Variants in GMDS observed in about 807,000 individuals in gnomAD.
GMDS encodes GDP-mannose 4,6-dehydratase, also known as GDP-mannose 4,6 dehydratase.
In GMDS, 20 loss-of-function variants were observed where a neutral mutation model predicts 49.9. That is an observed-to-expected ratio of 0.40 (90% CI 0.28 to 0.58). The LOEUF is 0.58. Ranked by LOEUF, GMDS falls within the 20% of genes least tolerant of loss-of-function variation. The pLI, the probability that GMDS is intolerant of heterozygous loss-of-function variation, is 0.42. For missense variants in GMDS, 362 were observed against 481.4 expected (o/e 0.75, Z 2.32); for synonymous variants, 177 against 178.6 (o/e 0.99, Z 0.07).
intron 7 of GMDS, among the ~76,000 whole-genome samples, chr6:1,898,880 G>T (rs887850537): frequency 6.6e-6 from 1 of 152,154 alleles, no homozygotes; most frequent in African/African-American, 2.4e-5. Flanking sequence ...GACTGACGGG[G>T]CTCCTGCCCT....
rs57256274 is a variant in GMDS at position 1,650,507 on chromosome 6, G to A, written c.988-25967C>T. Among the ~76,000 whole-genome samples the A allele has an allele frequency of 3.9e-3, 594 of 152,168 alleles. 5 individuals carry two copies. Among genetic ancestry groups the A allele is most frequent in the African/African-American group, 0.014 (563 of 41,496 alleles). On this transcript the variant is annotated intron_variant, in intron 9 of 10. Transcript: ENST00000380815. ...CAAAGCCTTCTCCTACCAATTCTTC[G>A]TTCATTTTAATGGTCAAGCACAGAG...
chr6:1,960,004 T>C, intron 5 of GMDS, 33 bp from the exon 6 acceptor site: 2 of 1,359,052 alleles, frequency 1.5e-6, no homozygotes, highest in Non-Finnish European at 1.0e-6. Flanking sequence ...GCAATGAAGT[T>C]TGTTGTAAAA....
At chr6:2,153,980 T>C (rs1776976386) in intron 1 of GMDS, among the ~76,000 whole-genome samples, 1 of 152,176 alleles carries the variant, frequency 6.6e-6, no homozygotes, top group Non-Finnish European at 1.5e-5. Context: ...GGGATAAATG[T>C]GACCAGAGAG....
chr6:2,210,043 G>T (rs991107171), intron 1 of GMDS, among the ~76,000 whole-genome samples: 2 of 152,146 alleles, frequency 1.3e-5, no homozygotes, highest in Non-Finnish European at 2.9e-5. Context: ...CTACACTAGA[G>T]AAAACAAAGC....
At chr6:2,052,535 T>C (rs1770478359) in intron 4 of GMDS, among the ~76,000 whole-genome samples, 1 of 152,166 alleles carries the variant, frequency 6.6e-6, no homozygotes, top group Non-Finnish European at 1.5e-5. Context: ...ATCTTTGCCA[T>C]CTAAAATCTG....
At chr6:2,020,294 T>A (rs1226242251) in intron 4 of GMDS, among the ~76,000 whole-genome samples, 1 of 151,878 alleles carries the variant, frequency 6.6e-6, no homozygotes, top group Admixed American at 6.6e-5. Flanking sequence ...CTTAGGCATA[T>A]GTTATGCCTA....
chr6:2,175,675 T>C (rs904387705), intron 1 of GMDS, among the ~76,000 whole-genome samples: 3 of 152,232 alleles, frequency 2.0e-5, no homozygotes, highest in Admixed American at 1.3e-4. Context: ...GAAATGAGCA[T>C]GCTTTGGTTT....
At chr6:2,062,113 G>A (rs979200674) in intron 4 of GMDS, among the ~76,000 whole-genome samples, 5 of 152,094 alleles carry the variant, frequency 3.3e-5, no homozygotes, top group Non-Finnish European at 5.9e-5. Flanking sequence ...AGAAACCAAA[G>A]AAAGCCTGCC....
At chr6:2,023,744 C>T (rs949426965) in intron 4 of GMDS, among the ~76,000 whole-genome samples, 1 of 152,136 alleles carries the variant, frequency 6.6e-6, no homozygotes, top group Non-Finnish European at 1.5e-5. Context: ...GAGTAGGAGA[C>T]ATCATGCTCT....
At position 1,624,644 on chromosome 6, in the gene GMDS, C is replaced by T. The variant is rs115927032; in HGVS notation, c.988-104G>A. 5,601 of 775,854 alleles carry T rather than the reference C, an allele frequency of 7.2e-3. 24 individuals carry two copies. The highest frequency in any genetic ancestry group is 1.0e-2 in the Non-Finnish European group (4,584 of 460,182). 48.1% of individuals were successfully genotyped at this position (775,854 alleles called of 1,614,324 possible). A position where few individuals can be genotyped will look rare whatever the true frequency, so the allele number is the denominator to read the frequency against. ...CACCGTTCCGCTCCCTCTGGGCGCA[C>T]AAGGCTCCGGGTTTCCCTGCTTTCG... On this transcript the variant is annotated intron_variant, in intron 9 of 10. Coordinates refer to ENST00000380815, the MANE Select transcript of GMDS (RefSeq NM_001500.4).
chr6:1,678,990 G>A (rs1764705235), intron 9 of GMDS, among the ~76,000 whole-genome samples: 1 of 152,168 alleles, frequency 6.6e-6, no homozygotes, highest in Non-Finnish European at 1.5e-5. Flanking sequence ...CTGACTAAAT[G>A]AGTCCCATTT....
At chr6:1,976,163 T>C (rs1419046740) in intron 4 of GMDS, among the ~76,000 whole-genome samples, 3 of 151,938 alleles carry the variant, frequency 2.0e-5, no homozygotes, top group Non-Finnish European at 4.4e-5. Flanking sequence ...ATCAGCCCAT[T>C]ATGAGTCCAG....
At chr6:1,684,105 G>T (rs1249380138) in intron 9 of GMDS, among the ~76,000 whole-genome samples, 2 of 151,830 alleles carry the variant, frequency 1.3e-5, no homozygotes, top group African/African-American at 4.8e-5. Flanking sequence ...TATTTTTTTT[G>T]TATTTTACAC....
At chr6:1,783,988 A>T (rs1345391343) in intron 7 of GMDS, among the ~76,000 whole-genome samples, 4 of 152,162 alleles carry the variant, frequency 2.6e-5, no homozygotes, top group Non-Finnish European at 5.9e-5. Flanking sequence ...GCCTAAAAAA[A>T]CCCCAAACCA....
chr6:1,757,387 C>T (rs549628525), intron 7 of GMDS, among the ~76,000 whole-genome samples: 13 of 152,270 alleles, frequency 8.5e-5, no homozygotes, highest in Admixed American at 1.3e-4. Context: ...TTCTGTCGCT[C>T]GGATACCTGG....
chr6:1,786,117 T>C (rs914270926), intron 7 of GMDS, among the ~76,000 whole-genome samples: 1 of 152,248 alleles, frequency 6.6e-6, no homozygotes, highest in Non-Finnish European at 1.5e-5. Context: ...GGTGAAGGTC[T>C]TGGAAAGTCT....
chr6:1,930,276 C>T lies in GMDS; in HGVS notation c.644-46G>A, dbSNP rs754268292. On this transcript the variant is annotated intron_variant, in intron 6 of 10. Coordinates refer to ENST00000380815, the MANE Select transcript of GMDS (RefSeq NM_001500.4). ...TAGTATCAGTCAAGTGCACTTGACA[C>T]ATTTAACAGTTTGGTGAACCAAACC... 2.1e-5 allele frequency: 32 copies of T among 1,551,194 alleles called. No homozygotes were observed. In the South Asian group the frequency reaches 3.8e-4, roughly 18 times the overall value.
At chr6:2,108,651 C>T (rs528406085) in intron 4 of GMDS, among the ~76,000 whole-genome samples, 75 of 152,304 alleles carry the variant, frequency 4.9e-4, no homozygotes, top group Non-Finnish European at 8.5e-4. Flanking sequence ...AACTTCATTT[C>T]ACCGTAGTAA....
At chr6:1,719,499 G>A (rs946982540) in intron 9 of GMDS, among the ~76,000 whole-genome samples, 2 of 152,238 alleles carry the variant, frequency 1.3e-5, no homozygotes, top group South Asian at 2.1e-4. Context: ...GAGGCAGAAC[G>A]GGGTGAGAGA....
Sources: gnomAD v4.1 joint callset for allele counts (sites outside exome capture counted in the v4.1 genomes callset) on GRCh38, gnomAD v4.1.1 for gene constraint, MANE v1.5 for transcripts, NCBI Gene and HGNC (gene_info 2026-07-23, HGNC 2026-07-21) for gene names.